DACH1: variants seen among roughly 807,000 people sequenced by gnomAD.
DACH1 encodes dachshund family transcription factor 1.
DACH1 carries 12 observed loss-of-function variants against 54.2 expected under a neutral mutation model. The ratio of observed to expected loss-of-function variants is 0.22; its 90% CI spans 0.14 to 0.36. The LOEUF (loss-of-function observed/expected upper bound fraction) is 0.36. Among genes scored for constraint, DACH1 ranks in the 10% least tolerant of loss-of-function variants. The probability of loss-of-function intolerance (pLI) is 1.00; values close to 1 mark genes in which losing one functional copy is unlikely to be tolerated. For synonymous variants in DACH1, 386 were observed against 366.2 expected (o/e 1.05, Z -0.62); for missense variants, 805 against 929.8 (o/e 0.87, Z 1.75).
chr13:71,799,342 C>A (rs2138118761), intron 1 of DACH1, among the ~76,000 whole-genome samples: 1 of 152,146 alleles, frequency 6.6e-6, no homozygotes, highest in South Asian at 2.1e-4. Context: ...ATCTGGCTGC[C>A]AATGCATGAA....
intron 6 of DACH1, among the ~76,000 whole-genome samples, chr13:71,552,026 G>C (rs1415975875): frequency 2.0e-5 from 3 of 152,034 alleles, no homozygotes; most frequent in Non-Finnish European, 2.9e-5. Context: ...CCTCAGATTA[G>C]TCCTGCCTCT....
Position 71,528,425 on chromosome 13 carries a change from C to CTTTT in DACH1, c.1570+28595_1570+28598dup, listed in dbSNP as rs71198120. Among the ~76,000 whole-genome samples, 119 of 111,094 alleles carry CTTTT rather than the reference C, an allele frequency of 1.1e-3. 2 individuals are homozygous for CTTTT. Among genetic ancestry groups the CTTTT allele is most frequent in the Non-Finnish European group, 1.3e-3 (76 of 58,144 alleles). The allele number at this position is 111,094 out of a possible 152,430, so 72.9% of individuals were successfully genotyped here. A position where few individuals can be genotyped will look rare whatever the true frequency, so the allele number is the denominator to read the frequency against. ...TTTTAGAAACGGAAAAACAGATTTT[C>CTTTT]TTTTTTTTTTTTTTTTTTTTGAGAC... On this transcript the variant is annotated intron_variant, in intron 6 of 10. Transcript: ENST00000613252.
chr13:71,682,886 G>A (rs1012385546), intron 1 of DACH1, among the ~76,000 whole-genome samples: 5 of 152,098 alleles, frequency 3.3e-5, no homozygotes, highest in Non-Finnish European at 5.9e-5. Flanking sequence ...CAAAGTTTTA[G>A]CATTGTGTTT....
intron 1 of DACH1, among the ~76,000 whole-genome samples, chr13:71,784,973 A>G (rs1182225838): frequency 6.6e-6 from 1 of 152,188 alleles, no homozygotes; most frequent in Non-Finnish European, 1.5e-5. Flanking sequence ...GATGATCACT[A>G]GAAAAATTTC....
chr13:71,654,442 A>AGT (rs1878927045), intron 2 of DACH1, among the ~76,000 whole-genome samples: 5 of 142,722 alleles, frequency 3.5e-5, no homozygotes, highest in South Asian at 2.2e-4. Context: ...AATAAAATAA[A>AGT]ATAAAATAAA....
intron 6 of DACH1, among the ~76,000 whole-genome samples, chr13:71,535,654 T>A (rs747008031): frequency 6.6e-6 from 1 of 152,034 alleles, no homozygotes; most frequent in African/African-American, 2.4e-5. Flanking sequence ...ATATTTATAG[T>A]GTCCTCTTGT....
chr13:71,448,350 T>G (rs1874659488), intron 10 of DACH1, among the ~76,000 whole-genome samples: 1 of 152,074 alleles, frequency 6.6e-6, no homozygotes, highest in South Asian at 2.1e-4. Context: ...CTTCATCATG[T>G]GAAGTAAAGG....
At chr13:71,654,440 A>AAAATAAAATAAAAT (rs1566409031) in intron 2 of DACH1, among the ~76,000 whole-genome samples, 4 of 142,132 alleles carry the variant, frequency 2.8e-5, no homozygotes, top group Non-Finnish European at 6.1e-5. Context: ...AAAATAAAAT[A>AAAATAAAATAAAAT]AAATAAAATA....
At chr13:71,541,391 T>C (rs1486570340) in intron 6 of DACH1, among the ~76,000 whole-genome samples, 1 of 152,124 alleles carries the variant, frequency 6.6e-6, no homozygotes, top group Admixed American at 6.6e-5. Context: ...ATCATGATTA[T>C]AAAACAAACT....
chr13:71,649,716 T>C (rs184280595), intron 2 of DACH1, among the ~76,000 whole-genome samples: 1 of 152,192 alleles, frequency 6.6e-6, no homozygotes, highest in African/African-American at 2.4e-5. Context: ...ATCCACATTG[T>C]CATTACATTA....
At chr13:71,695,592 C>A (rs1254982201) in intron 1 of DACH1, among the ~76,000 whole-genome samples, 1 of 152,140 alleles carries the variant, frequency 6.6e-6, no homozygotes, top group African/African-American at 2.4e-5. Flanking sequence ...GTCAAGGGCT[C>A]CAAGGCAGAA....
chr13:71,599,680 T>C (rs1874354224), intron 3 of DACH1, among the ~76,000 whole-genome samples: 1 of 152,140 alleles, frequency 6.6e-6, no homozygotes, highest in South Asian at 2.1e-4. Context: ...ATTTACACTA[T>C]TTTGAATCAG....
chr13:71,715,996 C>T (rs1458788713), intron 1 of DACH1, among the ~76,000 whole-genome samples: 3 of 151,966 alleles, frequency 2.0e-5, no homozygotes, highest in African/African-American at 7.3e-5. Context: ...GCCTCAAATT[C>T]AACATGTCTG....
At chr13:71,651,862 C>T (rs1878712268) in intron 2 of DACH1, among the ~76,000 whole-genome samples, 1 of 152,092 alleles carries the variant, frequency 6.6e-6, no homozygotes. Flanking sequence ...CACATATATA[C>T]AGATATTCAT....
intron 1 of DACH1, among the ~76,000 whole-genome samples, chr13:71,799,748 G>A (rs1426098864): frequency 5.9e-5 from 9 of 152,078 alleles, no homozygotes; most frequent in African/African-American, 1.9e-4. Context: ...ACAAATGCAT[G>A]CTTATGGCAT....
intron 6 of DACH1, among the ~76,000 whole-genome samples, chr13:71,492,946 A>G (rs1465773641): frequency 2.0e-5 from 3 of 152,116 alleles, no homozygotes; most frequent in Non-Finnish European, 4.4e-5. Flanking sequence ...TCCACATTCC[A>G]ATTGTATTAT....
intron 1 of DACH1, among the ~76,000 whole-genome samples, chr13:71,776,119 T>C (rs1261645818): frequency 6.6e-6 from 1 of 152,168 alleles, no homozygotes; most frequent in East Asian, 1.9e-4. Context: ...AGCAGTAATT[T>C]GACCAAACAT....
intron 3 of DACH1, among the ~76,000 whole-genome samples, chr13:71,586,885 C>A (rs1873318977): frequency 6.6e-6 from 1 of 151,936 alleles, no homozygotes; most frequent in African/African-American, 2.4e-5. Context: ...TATGAGTTGT[C>A]CCTTCACATT....
chr13:71,571,686 C>T (rs1040411799), intron 4 of DACH1, among the ~76,000 whole-genome samples: 5 of 149,386 alleles, frequency 3.3e-5, no homozygotes, highest in African/African-American at 1.2e-4. Context: ...AGAACAATTC[C>T]TATTTGTATG....
Sources: gnomAD v4.1 joint callset for allele counts (sites outside exome capture counted in the v4.1 genomes callset) on GRCh38, gnomAD v4.1.1 for gene constraint, MANE v1.5 for transcripts, NCBI Gene and HGNC (gene_info 2026-07-23, HGNC 2026-07-21) for gene names.